Variants in FBXO43 observed in about 807,000 individuals in gnomAD.
The protein encoded by FBXO43 is F-box only protein 43.
FBXO43 carries 22 observed loss-of-function variants against 56.7 expected under a neutral mutation model. The observed-to-expected ratio is 0.39, with a 90% CI of 0.28 to 0.55. The LOEUF (loss-of-function observed/expected upper bound fraction) is 0.55, where lower values mean the gene tolerates loss of function less well. Ranked by LOEUF, FBXO43 falls within the 20% of genes least tolerant of loss-of-function variation. The pLI is 0.66. For missense variants in FBXO43, 733 were observed against 814.9 expected (o/e 0.90, Z 1.22); for synonymous variants, 306 against 294.5 (o/e 1.04, Z -0.40).
At position 100,133,548 on chromosome 8, in the gene FBXO43, C is replaced by T. The variant is rs1032420256; in HGVS notation, c.*254G>A. The T allele has an allele frequency of 3.0e-6, 1 of 333,982 alleles. No homozygotes were observed. The highest frequency in any genetic ancestry group is 5.4e-6 in the Non-Finnish European group (1 of 184,932). 20.7% of individuals were successfully genotyped at this position (333,982 alleles called of 1,614,324 possible). A position where few individuals can be genotyped will look rare whatever the true frequency, so the allele number is the denominator to read the frequency against. On this transcript the variant is annotated 3_prime_UTR_variant, in exon 5 of 5. Transcript: ENST00000428847. ...AAATGTTACATAAAACAATAAAGTA[C>T]ATACATATAACAACAATGAAAATTC...
chr8:100,134,373 A>C lies in FBXO43; in HGVS notation c.1675-9T>G. The C allele has an allele frequency of 1.2e-6, 2 of 1,612,428 alleles. No homozygotes were observed. The highest frequency in any genetic ancestry group is 1.7e-6 in the Non-Finnish European group (2 of 1,179,630). ...ACATTTAATACAGCCCCCTGTGGTA[A>C]AGGACAAGAGGCATCAATACTGCAA... On this transcript the variant is annotated splice_polypyrimidine_tract_variant and intron_variant, in intron 3 of 4. Coordinates refer to ENST00000428847, the MANE Select transcript of FBXO43 (RefSeq NM_001029860.4).
Position 100,133,558 on chromosome 8 carries a change from A to G in FBXO43, c.*244T>C, listed in dbSNP as rs1011433260. The G allele has an allele frequency of 1.0e-5, 4 of 381,784 alleles. No homozygotes were observed. The South Asian group carries it at 1.5e-4, about 14-fold the overall frequency. The allele number at this position is 381,784 out of a possible 1,614,324, so 23.6% of individuals were successfully genotyped here. The stretch of plus-strand genomic sequence containing the variant: ...TAAAACAATAAAGTACATACATATA[A>G]CAACAATGAAAATTCTTTATTTAAA... On this transcript the variant is annotated 3_prime_UTR_variant, in exon 5 of 5. Transcript: ENST00000428847.
chr8:100,141,101 A>C lies in FBXO43; in HGVS notation c.1153T>G (p.Ser385Ala), dbSNP rs1450741115. Residue 385 changes from serine (S) to alanine (A), a missense_variant, in exon 2 of 5, where the codon TCC (serine) becomes GCC (alanine). By Grantham distance (99) the Ser-to-Ala change is moderately conservative. Coordinates refer to ENST00000428847, the MANE Select transcript of FBXO43 (RefSeq NM_001029860.4). ...TRHLGRSRRL[S>A]TLREQSSQSE... ...TGCGAGCTTTGTTCCCGAAGGGTGG[A>C]CAGTCTTCTCGACCTTCCAAGATGT... 27 of 1,614,048 alleles carry C rather than the reference A, an allele frequency of 1.7e-5. No homozygotes were observed. Among genetic ancestry groups the C allele is most frequent in the Non-Finnish European group, 2.3e-5 (27 of 1,180,036 alleles).
rs779948571 is a variant in FBXO43, at chr8:100,141,515, C to T, written c.739G>A (p.Val247Ile). The T allele has an allele frequency of 1.3e-5, 21 of 1,612,420 alleles. No homozygotes were observed. The highest frequency in any genetic ancestry group is 1.8e-5 in the Non-Finnish European group (21 of 1,180,008). The change falls in exon 2 of 5, where the codon GTT becomes ATT. Residue 247 changes from valine (V) to isoleucine (I), a missense_variant. Val to Ile is a conservative substitution (Grantham distance 29, BLOSUM62 3). Transcript: ENST00000428847. Reference protein sequence around the residue: ...DSKDDCSLFEVECISPIQGNN... With the variant: ...DSKDDCSLFEIECISPIQGNN... ...CCCTGAATTGGAGATATACATTCAA[C>T]TTCAAATAGGCTACAATCATCTTTG...
intron 2 of FBXO43, among the ~76,000 whole-genome samples, chr8:100,138,112 T>A (rs1814527997): frequency 6.6e-6 from 1 of 152,218 alleles, no homozygotes; most frequent in South Asian, 2.1e-4. Flanking sequence ...TCATTGGCAT[T>A]ACTAAGTGCC....
At chr8:100,142,246 T>C (rs1456455262) in intron 1 of FBXO43, 78 bp from the exon 2 acceptor site, 1 of 1,306,264 alleles carries the variant, frequency 7.7e-7, no homozygotes, top group Admixed American at 2.7e-5. Context: ...TTATTTGTTA[T>C]GAGTACAGAT....
Position 100,145,645 on chromosome 8 carries a change from G to C in FBXO43, c.-510C>G, listed in dbSNP as rs1814809482. 6.6e-6 allele frequency: 1 copy of C among 152,144 alleles called. No homozygotes were observed. The highest frequency in any genetic ancestry group is 2.4e-5 in the African/African-American group (1 of 41,152). 9.4% of individuals were successfully genotyped at this position (152,144 alleles called of 1,614,324 possible). A position where few individuals can be genotyped will look rare whatever the true frequency, so the allele number is the denominator to read the frequency against. On this transcript the variant is annotated 5_prime_UTR_variant, in exon 1 of 5. Transcript: ENST00000428847. The stretch of plus-strand genomic sequence containing the variant: ...GCACTCGCCTGGGGTCCCGCCGCCT[G>C]CCTGGAGGCCGCGGGGCCGGGCGAG...
intron 2 of FBXO43, among the ~76,000 whole-genome samples, 168 bp from the exon 3 acceptor site, chr8:100,137,835 A>T (rs1814521591): frequency 6.6e-6 from 1 of 151,956 alleles, no homozygotes; most frequent in Non-Finnish European, 1.5e-5. Context: ...TTTCATATTA[A>T]TTCATCATAT....
chr8:100,141,453 A>G lies in FBXO43; in HGVS notation c.801T>C (p.Ser267=). The part of the protein sequence containing the change: ...NFKDSITHDF[S]DSSLCINDEN... ...CATCATTAATGCATAAACTGCTATC[A>G]CTAAAGTCATGTGTGATAGAGTCTT... The change falls in exon 2 of 5, where the codon AGT becomes AGC. Residue 267 remains serine (S), a synonymous_variant. Transcript: ENST00000428847. 1 of 1,613,536 alleles carries G rather than the reference A, an allele frequency of 6.2e-7. No homozygotes were observed. The highest frequency in any genetic ancestry group is 8.5e-7 in the Non-Finnish European group (1 of 1,180,000).
Position 100,134,188 on chromosome 8 carries a change from T to G in FBXO43, c.1851A>C (p.Leu617Phe). The G allele has an allele frequency of 6.2e-7, 1 of 1,614,128 alleles. No individual in the cohort carries two copies. The highest frequency in any genetic ancestry group is 2.2e-5 in the East Asian group (1 of 44,888). Residue 617 changes from leucine to phenylalanine, a missense_variant, in exon 4 of 5, where the codon TTA becomes TTC. By Grantham distance (22) the Leu-to-Phe change is conservative (BLOSUM62 0). Transcript: ENST00000428847. ...TAACATATTCTTCCTGTTTACTACT[T>G]AAGTGAGTAACAGAAGAGCTTGCTA... is the stretch of plus-strand genomic sequence containing the variant. ...TPLASSSVTH[L>F]SSKQEEYVKV... is the part of the protein sequence containing the mutation.
rs1198971594 is a variant in FBXO43 at position 100,145,420 on chromosome 8, C to A, written c.-285G>T. On this transcript the variant is annotated 5_prime_UTR_variant, in exon 1 of 5. Transcript: ENST00000428847. ...TGCTGCAGCCTGGCACTGACTCCCC[C>A]GAGGAGCTATGGCGGGCGGGTGGGT... 3.6e-6 allele frequency: 1 copy of A among 280,960 alleles called. No individual in the cohort carries two copies. The highest frequency in any genetic ancestry group is 2.2e-5 in the African/African-American group (1 of 45,678). 17.4% of individuals were successfully genotyped at this position (280,960 alleles called of 1,614,324 possible).
intron 3 of FBXO43, among the ~76,000 whole-genome samples, chr8:100,135,988 CACA>C (rs779820884): frequency 1.3e-5 from 2 of 151,330 alleles, no homozygotes; most frequent in Non-Finnish European, 2.9e-5. Context: ...GGGTTGCCAG[CACA>C]ACAATATGCT....
chr8:100,141,656 C>T lies in FBXO43; in HGVS notation c.598G>A (p.Ala200Thr), dbSNP rs1814656857. ...GTAACTAAAGGGCTAAAATTATTTG[C>T]CCTGGAAAAACCTGAAGCACTGCTT... ...IPSSASGFSR[A>T]NNFSPLVTST... Residue 200 changes from alanine (A) to threonine (T), a missense_variant, in exon 2 of 5, where the codon GCA becomes ACA. Transcript: ENST00000428847. 1.2e-6 allele frequency: 2 copies of T among 1,612,870 alleles called. No homozygotes were observed. The highest frequency in any genetic ancestry group is 2.2e-5 in the East Asian group (1 of 44,816).
At chr8:100,146,704 T>C (rs565970053), upstream of FBXO43, among the ~76,000 whole-genome samples, 4 of 152,294 alleles carry the variant, frequency 2.6e-5, no homozygotes, top group African/African-American at 9.6e-5. Flanking sequence ...TACCTCAGCA[T>C]TTTTATTAGT....
intron 2 of FBXO43, among the ~76,000 whole-genome samples, chr8:100,139,448 A>C (rs192671436): frequency 7.9e-5 from 12 of 152,232 alleles, no homozygotes; most frequent in Middle Eastern, 6.8e-3. Context: ...AAAACAAAAC[A>C]AAAAAACCAA....
In FBXO43 at chr8:100,141,898, A is replaced by G. The variant is rs755458459; in HGVS notation, c.356T>C (p.Leu119Ser). The G allele has an allele frequency of 1.9e-6, 3 of 1,590,382 alleles. No homozygotes were observed. The highest frequency in any genetic ancestry group is 2.6e-6 in the Non-Finnish European group (3 of 1,172,886). ...TTTCTTTTTTTGAGTGGGAGATTCT[A>G]AAGGATGTGTTAAGCCCAGGCCTGA... The part of the protein sequence containing the change: ...ETSGLGLTHP[L>S]ESPTQKKKCI... Residue 119 changes from leucine to serine, a missense_variant, in exon 2 of 5, where the codon TTA becomes TCA. By Grantham distance (145) the Leu-to-Ser change is moderately radical (BLOSUM62 -2). Transcript: ENST00000428847.
chr8:100,139,645 C>T (rs574090422), intron 2 of FBXO43, among the ~76,000 whole-genome samples: 59 of 152,166 alleles, frequency 3.9e-4, no homozygotes, highest in Non-Finnish European at 1.8e-4. Context: ...TTGGCATGAA[C>T]AGAGTCTCAT....
intron 1 of FBXO43, among the ~76,000 whole-genome samples, chr8:100,142,574 A>G (rs866414143): frequency 6.7e-6 from 1 of 149,938 alleles, no homozygotes; most frequent in East Asian, 2.0e-4. Context: ...ATATTAGTCT[A>G]CTCAAAAAAT....
rs766237841 is a variant in FBXO43 at position 100,141,389 on chromosome 8, C to G, written c.865G>C (p.Gly289Arg). ...CPELLGSSVS[G>R]TTCGTDEDIF... is the part of the protein sequence containing the mutation. ...TCCTCATCTGTTCCACAAGTTGTTCCACTAACAGAGGAGCCCAGGAGCTCT... is the reference window on the plus strand; with the variant it reads ...TCCTCATCTGTTCCACAAGTTGTTCGACTAACAGAGGAGCCCAGGAGCTCT... Residue 289 changes from glycine to arginine, a missense_variant, in exon 2 of 5, where the codon GGA becomes CGA. Physicochemically the swap from Gly to Arg is moderately radical, Grantham distance 125 (BLOSUM62 -2). Transcript: ENST00000428847. 6.2e-7 allele frequency: 1 copy of G among 1,613,440 alleles called. No homozygotes were observed. Among genetic ancestry groups the G allele is most frequent in the Non-Finnish European group, 8.5e-7 (1 of 1,179,990 alleles).
Sources: gnomAD v4.1 joint callset for allele counts (sites outside exome capture counted in the v4.1 genomes callset) on GRCh38, gnomAD v4.1.1 for gene constraint, MANE v1.5 for transcripts, NCBI Gene and HGNC (gene_info 2026-07-23, HGNC 2026-07-21) for gene names.